Variants in ZFHX3 observed in about 807,000 individuals in gnomAD.
The protein encoded by ZFHX3 is zinc finger homeobox protein 3.
A neutral mutation model predicts 279.1 loss-of-function variants in ZFHX3; 42 were observed. The ratio of observed to expected loss-of-function variants is 0.15; its 90% CI spans 0.12 to 0.19. The LOEUF is 0.19. ZFHX3 is among the 10% of genes least tolerant of loss of function. ZFHX3 has a pLI of 1.00. For missense variants in ZFHX3, 4,981 were observed against 4,754.0 expected, an observed-to-expected ratio of 1.05 and a Z score of -1.40; for synonymous variants, 2,293 against 1,957.8, an observed-to-expected ratio of 1.17 and a Z score of -4.52.
At chr16:73,466,114 C>T (rs1026695763) in intron 2 of ZFHX3, among the ~76,000 whole-genome samples, 1 of 152,046 alleles carries the variant, frequency 6.6e-6, no homozygotes, top group Admixed American at 6.5e-5. Flanking sequence ...AAAACATGAA[C>T]TTAATTATAG....
intron 7 of ZFHX3, chr16:72,809,924 G>C (rs1041697348): frequency 4.1e-5 from 6 of 147,590 alleles, no homozygotes; most frequent in African/African-American, 1.5e-4. Context: ...CTGTCACCCA[G>C]GCTGGAGTGC....
At chr16:73,501,642 C>T (rs551274309) in intron 2 of ZFHX3, among the ~76,000 whole-genome samples, 2 of 152,274 alleles carry the variant, frequency 1.3e-5, no homozygotes, top group South Asian at 2.1e-4. Flanking sequence ...GGAAGAATTC[C>T]GCTGAAGACA....
At chr16:73,870,546 T>C (rs2142400065) in intron 1 of ZFHX3, among the ~76,000 whole-genome samples, 1 of 150,568 alleles carries the variant, frequency 6.6e-6, no homozygotes, top group East Asian at 1.9e-4. Flanking sequence ...GCCAGACAAG[T>C]GCCCATTATT....
chr16:73,885,292 G>A (rs1301545754), intron 1 of ZFHX3, among the ~76,000 whole-genome samples: 2 of 152,110 alleles, frequency 1.3e-5, no homozygotes, highest in African/African-American at 4.8e-5. Flanking sequence ...TTGCACATCT[G>A]TGAAATAATG....
At chr16:73,686,406 C>T (rs2053084623) in intron 1 of ZFHX3, among the ~76,000 whole-genome samples, 1 of 152,162 alleles carries the variant, frequency 6.6e-6, no homozygotes, top group Non-Finnish European at 1.5e-5. Context: ...TCAGACATTT[C>T]TAACTATGAG....
chr16:73,612,205 AT>A (rs528483471), intron 2 of ZFHX3, among the ~76,000 whole-genome samples: 28 of 150,236 alleles, frequency 1.9e-4, no homozygotes, highest in African/African-American at 3.9e-4. Context: ...ACTTGCAATG[AT>A]TTTTTTTTTA....
chr16:73,579,639 C>T (rs948174673), intron 2 of ZFHX3, among the ~76,000 whole-genome samples: 4 of 150,586 alleles, frequency 2.7e-5, no homozygotes, highest in Non-Finnish European at 4.4e-5. Flanking sequence ...GTAGCTGGGA[C>T]TACAGGCACC....
At chr16:73,785,267 C>T (rs1959609286) in intron 1 of ZFHX3, among the ~76,000 whole-genome samples, 1 of 151,970 alleles carries the variant, frequency 6.6e-6, no homozygotes, top group Non-Finnish European at 1.5e-5. Context: ...TTTGTTTTTC[C>T]AAGAGTTAGT....
At chr16:72,826,003 A>C (rs2036920000) in intron 5 of ZFHX3, among the ~76,000 whole-genome samples, 1 of 152,166 alleles carries the variant, frequency 6.6e-6, no homozygotes, top group African/African-American at 2.4e-5. Flanking sequence ...CCCCAGAAGA[A>C]TGTTAGATTC....
intron 7 of ZFHX3, among the ~76,000 whole-genome samples, chr16:73,122,163 C>A (rs549889483): frequency 6.6e-6 from 1 of 152,134 alleles, no homozygotes; most frequent in East Asian, 1.9e-4. Context: ...TAATGGATAG[C>A]CACATCAAAT....
chr16:73,152,001 C>A (rs1419137329), intron 5 of ZFHX3, among the ~76,000 whole-genome samples: 1 of 151,294 alleles, frequency 6.6e-6, no homozygotes, highest in Admixed American at 6.6e-5. Flanking sequence ...ACCTCTGGGC[C>A]CTATCAGTTA....
At chr16:72,968,476 T>C (rs1308296711) in intron 1 of ZFHX3, among the ~76,000 whole-genome samples, 1 of 148,532 alleles carries the variant, frequency 6.7e-6, no homozygotes, top group African/African-American at 2.5e-5. Context: ...TTTTTTTTTT[T>C]TTGAGACAGA....
At chr16:73,091,239 A>G (rs1457207087) in intron 8 of ZFHX3, among the ~76,000 whole-genome samples, 2 of 151,988 alleles carry the variant, frequency 1.3e-5, no homozygotes, top group African/African-American at 2.4e-5. Flanking sequence ...AGCGGGGAAA[A>G]AAAAAAAAGC....
chr16:73,684,887 G>T (rs2053063766), intron 1 of ZFHX3, among the ~76,000 whole-genome samples: 1 of 151,984 alleles, frequency 6.6e-6, no homozygotes, highest in African/African-American at 2.4e-5. Context: ...TTTTAGTAGA[G>T]ACAGGATTTC....
In ZFHX3 at chr16:73,557,094, C is replaced by CAAAA. The variant is rs397766441; in HGVS notation, c.-1546-100840_-1546-100837dup. Among the ~76,000 whole-genome samples the CAAAA allele has an allele frequency of 4.1e-3, 284 of 68,546 alleles. 46 individuals are homozygous for CAAAA. Among genetic ancestry groups the CAAAA allele is most frequent in the South Asian group, 0.015 (25 of 1,700 alleles). 45.0% of individuals were successfully genotyped at this position (68,546 alleles called of 152,430 possible). Reference sequence around the variant, plus strand: ...TGGGGGACAGAGCAAGACTCCGTCTCAAAAAAAAAAAAAAAAAAAAAAAAA... The same window carrying CAAAA: ...TGGGGGACAGAGCAAGACTCCGTCTCAAAAAAAAAAAAAAAAAAAAAAAAAAAAA... On this transcript the variant is annotated intron_variant, in intron 2 of 17. Transcript: ENST00000641206.
intron 1 of ZFHX3, among the ~76,000 whole-genome samples, chr16:73,776,461 T>TA (rs1315340484): frequency 6.6e-6 from 1 of 152,082 alleles, no homozygotes; most frequent in Non-Finnish European, 1.5e-5. Flanking sequence ...TTTAGATCTT[T>TA]AAAAAAACAT....
intron 1 of ZFHX3, among the ~76,000 whole-genome samples, chr16:73,773,958 T>G (rs1473113168): frequency 6.6e-6 from 1 of 152,002 alleles, no homozygotes; most frequent in African/African-American, 2.4e-5. Flanking sequence ...GGCAACATAA[T>G]GAGACCCTCT....
intron 2 of ZFHX3, among the ~76,000 whole-genome samples, chr16:73,511,066 C>G (rs768884564): frequency 6.6e-6 from 1 of 152,214 alleles, no homozygotes; most frequent in Non-Finnish European, 1.5e-5. Flanking sequence ...AGATGAGGTA[C>G]CTGTAGGAAC....
chr16:73,305,026 C>T (rs916503484), intron 4 of ZFHX3, among the ~76,000 whole-genome samples: 2 of 152,006 alleles, frequency 1.3e-5, no homozygotes, highest in Non-Finnish European at 2.9e-5. Flanking sequence ...ATCTCTTTAC[C>T]CCCTTGCCCC....
Sources: gnomAD v4.1 joint callset for allele counts (sites outside exome capture counted in the v4.1 genomes callset) on GRCh38, gnomAD v4.1.1 for gene constraint, MANE v1.5 for transcripts, NCBI Gene and HGNC (gene_info 2026-07-23, HGNC 2026-07-21) for gene names.